Variants in CUX1 observed in about 807,000 individuals in gnomAD.
CUX1 encodes protein CASP.
A neutral mutation model predicts 158.8 loss-of-function variants in CUX1; 31 were observed. The ratio of observed to expected loss-of-function variants is 0.20; its 90% CI spans 0.15 to 0.26. The LOEUF is 0.26. Ranked by LOEUF, CUX1 falls within the 10% of genes least tolerant of loss-of-function variation. CUX1 has a pLI of 1.00. For missense variants in CUX1, 1,589 were observed against 2,014.6 expected (o/e 0.79, Z 4.04); for synonymous variants, 879 against 862.1 (o/e 1.02, Z -0.34).
intron 1 of CUX1, among the ~76,000 whole-genome samples, chr7:101,911,527 C>T (rs207468346): frequency 1.0e-4 from 15 of 149,270 alleles, no homozygotes; most frequent in South Asian, 6.4e-4. Context: ...CTGCTGTGGA[C>T]GACCTGAGCC....
intron 11 of CUX1, chr7:102,186,995 G>C (rs537282386): frequency 1.3e-5 from 2 of 152,318 alleles, no homozygotes; most frequent in East Asian, 3.9e-4. Context: ...TCGTGCCACT[G>C]CACTCCAGCC....
chr7:102,128,439 G>A (rs1333896537), intron 8 of CUX1, among the ~76,000 whole-genome samples: 1 of 151,300 alleles, frequency 6.6e-6, no homozygotes, highest in Non-Finnish European at 1.5e-5. Flanking sequence ...CCTTTTGTCA[G>A]CCTCTTGCAC....
At chr7:102,155,558 A>C (rs1368407853) in intron 8 of CUX1, among the ~76,000 whole-genome samples, 3 of 152,016 alleles carry the variant, frequency 2.0e-5, no homozygotes, top group African/African-American at 7.2e-5. Context: ...AGAAAAAAAA[A>C]AACAACACAA....
chr7:102,074,380 G>A (rs933812034), intron 4 of CUX1, among the ~76,000 whole-genome samples: 2 of 152,210 alleles, frequency 1.3e-5, no homozygotes, highest in Admixed American at 6.5e-5. Flanking sequence ...CAGGAACAGC[G>A]GAGCCAGAGT....
Position 102,251,562 on chromosome 7 carries a change from CCAGTT to C in CUX1, c.*2524_*2528del, listed in dbSNP as rs1277396396. The stretch of plus-strand genomic sequence containing the variant: ...GGGGTATCATTTCTGAACTTGAAAT[CCAGTT>C]CAGGGAGAAGAGAATTCAAAATTAG... On this transcript the variant is annotated 3_prime_UTR_variant, in exon 24 of 24. Transcript: ENST00000292535. 3.0e-6 allele frequency: 3 copies of C among 985,244 alleles called. No individual in the cohort carries two copies. Among genetic ancestry groups the C allele is most frequent in the African/African-American group, 1.7e-5 (1 of 57,194 alleles). The allele number at this position is 985,244 out of a possible 1,614,324, so 61.0% of individuals were successfully genotyped here.
At position 102,190,263 on chromosome 7, in the gene CUX1, C is replaced by T. The variant is rs141395428; in HGVS notation, c.1076+392C>T. Among the ~76,000 whole-genome samples, 206 of 152,322 alleles carry T rather than the reference C, an allele frequency of 1.4e-3. 1 individual carries two copies. The highest frequency in any genetic ancestry group is 4.7e-3 in the African/African-American group (197 of 41,564). ...GTGGGCATATGGCCTCACGCTGCCC[C>T]GGCCTCCTGGACTCAGGAACTCTGT... On this transcript the variant is annotated intron_variant, in intron 12 of 23. Coordinates refer to ENST00000292535, the MANE Select transcript of CUX1 (RefSeq NM_181552.4).
At chr7:101,826,493 C>T (rs920039704) in intron 1 of CUX1, among the ~76,000 whole-genome samples, 2 of 152,132 alleles carry the variant, frequency 1.3e-5, no homozygotes, top group African/African-American at 2.4e-5. Context: ...TGAACCACTG[C>T]GCCCGGCCTT....
At chr7:101,922,506 T>TG (rs566945813) in intron 2 of CUX1, among the ~76,000 whole-genome samples, 83 of 152,344 alleles carry the variant, frequency 5.4e-4, no homozygotes, top group Non-Finnish European at 1.1e-3. Flanking sequence ...TTGCAGTTTC[T>TG]GGGGGGCTCC....
intron 14 of CUX1, 115 bp downstream of exon 14, chr7:102,195,718 T>C: frequency 2.1e-6 from 2 of 937,922 alleles, no homozygotes; most frequent in South Asian, 1.7e-5. Flanking sequence ...GAAGCGCCGG[T>C]TGACGAGAAC....
At chr7:102,221,657 T>C (rs1797810029) in intron 20 of CUX1, among the ~76,000 whole-genome samples, 1 of 151,162 alleles carries the variant, frequency 6.6e-6, no homozygotes, top group Admixed American at 6.6e-5. Context: ...GCCTTGTGTA[T>C]CTCAGAGGGC....
intron 2 of CUX1, among the ~76,000 whole-genome samples, chr7:101,952,627 G>T (rs976462005): frequency 1.3e-5 from 2 of 152,140 alleles, no homozygotes; most frequent in African/African-American, 4.8e-5. Flanking sequence ...TACTGATGCC[G>T]AACCACCTGT....
chr7:102,257,589 T>C lies in CUX1; in HGVS notation c.*8547T>C. 2.0e-6 allele frequency: 2 copies of C among 985,416 alleles called. No homozygotes were observed. Among genetic ancestry groups the C allele is most frequent in the Non-Finnish European group, 2.4e-6 (2 of 829,930 alleles). The allele number at this position is 985,416 out of a possible 1,614,324, so 61.0% of individuals were successfully genotyped here. A position where few individuals can be genotyped will look rare whatever the true frequency, so the allele number is the denominator to read the frequency against. ...TAGTTCTTTGCGTTTGTGCAATAAC[T>C]CTTTGCTGCTTGCCTTGAGAGCGGG... On this transcript the variant is annotated 3_prime_UTR_variant, in exon 24 of 24. Transcript: ENST00000292535.
chr7:102,111,983 G>A, intron 7 of CUX1: 1 of 524,150 alleles, frequency 1.9e-6, no homozygotes, highest in Admixed American at 3.4e-5. Flanking sequence ...ATGTAGAGGT[G>A]GGAGGATCTC....
chr7:102,088,012 T>C (rs1674165859), intron 4 of CUX1, among the ~76,000 whole-genome samples: 1 of 151,958 alleles, frequency 6.6e-6, no homozygotes, highest in Admixed American at 6.6e-5. Context: ...TTTTTTTTTT[T>C]TTTAAGACAG....
intron 9 of CUX1, among the ~76,000 whole-genome samples, chr7:102,165,790 C>T (rs1241236208): frequency 1.3e-5 from 2 of 152,140 alleles, no homozygotes; most frequent in African/African-American, 4.8e-5. Context: ...TCCGGCTCTC[C>T]TTCCCCAAAT....
intron 8 of CUX1, among the ~76,000 whole-genome samples, chr7:102,120,199 G>A (rs375104601): frequency 8.5e-5 from 13 of 152,212 alleles, no homozygotes; most frequent in African/African-American, 2.6e-4. Context: ...CCAGCCAAGC[G>A]GCTAGTGTTC....
At chr7:101,956,684 C>T (rs915696559) in intron 2 of CUX1, among the ~76,000 whole-genome samples, 2 of 152,248 alleles carry the variant, frequency 1.3e-5, no homozygotes, top group South Asian at 2.1e-4. Flanking sequence ...CAGTGGCTCA[C>T]GCCTATAATC....
intron 2 of CUX1, among the ~76,000 whole-genome samples, chr7:101,920,572 G>C (rs1271911780): frequency 6.6e-6 from 1 of 152,042 alleles, no homozygotes; most frequent in African/African-American, 2.4e-5. Flanking sequence ...AAGGTTTTCT[G>C]TTTAGAATTA....
At chr7:102,097,948 G>A (rs1343629958) in intron 5 of CUX1, among the ~76,000 whole-genome samples, 1 of 152,208 alleles carries the variant, frequency 6.6e-6, no homozygotes, top group Non-Finnish European at 1.5e-5. Context: ...CCCCGCTGTT[G>A]CCTTGTCAGT....
Sources: allele counts gnomAD v4.1 joint callset (sites outside exome capture counted in the v4.1 genomes callset), GRCh38; gene constraint gnomAD v4.1.1; transcripts MANE v1.5; gene names NCBI Gene and HGNC (gene_info 2026-07-23, HGNC 2026-07-21).